Variants in ITPR2 observed in about 807,000 individuals in gnomAD.
ITPR2 encodes the protein inositol 1,4,5-trisphosphate-gated calcium channel ITPR2.
A neutral mutation model predicts 317.1 loss-of-function variants in ITPR2; 207 were observed. The observed-to-expected ratio is 0.65, with a 90% CI of 0.58 to 0.73. The LOEUF (loss-of-function observed/expected upper bound fraction) is 0.73. ITPR2 is among the 30% of genes least tolerant of loss of function. The pLI, the probability that ITPR2 is intolerant of heterozygous loss-of-function variation, is 0.00. For synonymous variants in ITPR2, 1,156 were observed against 1,149.1 expected (o/e 1.01, Z -0.12); for missense variants, 2,613 against 3,284.0 (o/e 0.80, Z 4.99).
At position 26,563,553 on chromosome 12, in the gene ITPR2, TA is replaced by T. The variant is rs75872857; in HGVS notation, c.4631-1602del. ...CCTGGTGAGAGAACTAGACTCCATC[TA>T]AAAAAAAAAAAGATAGAATGTGGGG... On this transcript the variant is annotated intron_variant, in intron 34 of 56. Transcript: ENST00000381340. Among the ~76,000 whole-genome samples, 1,072 of 141,968 alleles carry T rather than the reference TA, an allele frequency of 7.6e-3. 4 individuals are homozygous for T. The highest frequency in any genetic ancestry group is 0.024 in the South Asian group (109 of 4,490). The allele number at this position is 141,968 out of a possible 152,430, so 93.1% of individuals were successfully genotyped here.
intron 36 of ITPR2, among the ~76,000 whole-genome samples, chr12:26,552,470 T>C (rs1944550258): frequency 6.6e-6 from 1 of 152,124 alleles, no homozygotes. Context: ...GTGTGAGCCA[T>C]CACACCCAGC....
At chr12:26,642,806 C>T (rs1231383297) in intron 21 of ITPR2, among the ~76,000 whole-genome samples, 1 of 152,170 alleles carries the variant, frequency 6.6e-6, no homozygotes, top group African/African-American at 2.4e-5. Context: ...TGTTTCCAAT[C>T]AGGGCATTTT....
Position 26,556,289 on chromosome 12 carries a change from T to C in ITPR2, c.4908A>G (p.Glu1636=), listed in dbSNP as rs1488842987. ...CATCGCTTCCCTCAGGGAACAGCAGTTCTGGACTGTACAATACATCAACCA... is the reference window on the plus strand; with the variant it reads ...CATCGCTTCCCTCAGGGAACAGCAGCTCTGGACTGTACAATACATCAACCA... ...SVLVDVLYSP[E]LLFPEGSDAR... is the part of the protein sequence containing the mutation. The change falls in exon 36 of 57, where the codon GAA becomes GAG. Residue 1636 remains glutamate, a synonymous_variant. Coordinates refer to ENST00000381340, the MANE Select transcript of ITPR2 (RefSeq NM_002223.4). The C allele has an allele frequency of 6.2e-7, 1 of 1,613,874 alleles. No individual in the cohort carries two copies. The highest frequency in any genetic ancestry group is 2.2e-5 in the East Asian group (1 of 44,870).
rs575580011 is a variant in ITPR2, at chr12:26,811,885, C to T, written c.92+20805G>A. Among the ~76,000 whole-genome samples, 556 of 138,434 alleles carry T rather than the reference C, an allele frequency of 4.0e-3. 6 individuals are homozygous for T. Among genetic ancestry groups the T allele is most frequent in the African/African-American group, 0.014 (532 of 37,348 alleles). The allele number at this position is 138,434 out of a possible 152,430, so 90.8% of individuals were successfully genotyped here. ...AAAAAAAAAAAAAGAAATCTAGGGC[C>T]GGGCGTGGTGGCTCAAACCTGTAAT... On this transcript the variant is annotated intron_variant, in intron 1 of 56. Coordinates refer to ENST00000381340, the MANE Select transcript of ITPR2 (RefSeq NM_002223.4).
chr12:26,724,644 G>A lies in ITPR2; in HGVS notation c.366+12C>T, dbSNP rs1050093084. The stretch of plus-strand genomic sequence containing the variant: ...CATAAAATACTCACCTCGTTTAAGA[G>A]AAAATACTTACTTGTATAACATTAC... On this transcript the variant is annotated intron_variant, in intron 4 of 56. Coordinates refer to ENST00000381340, the MANE Select transcript of ITPR2 (RefSeq NM_002223.4). 12 of 1,500,296 alleles carry A rather than the reference G, an allele frequency of 8.0e-6. No homozygotes were observed. The highest frequency in any genetic ancestry group is 1.1e-5 in the Non-Finnish European group (12 of 1,082,040). 92.9% of individuals were successfully genotyped at this position (1,500,296 alleles called of 1,614,324 possible). A position where few individuals can be genotyped will look rare whatever the true frequency, so the allele number is the denominator to read the frequency against.
At chr12:26,767,534 T>C (rs540842166) in intron 2 of ITPR2, among the ~76,000 whole-genome samples, 120 of 152,340 alleles carry the variant, frequency 7.9e-4, no homozygotes, top group African/African-American at 2.8e-3. Flanking sequence ...AAAGAAAATA[T>C]CACACCTCTT....
chr12:26,570,966 G>A (rs574814725), intron 34 of ITPR2, among the ~76,000 whole-genome samples: 1 of 152,192 alleles, frequency 6.6e-6, no homozygotes, highest in South Asian at 2.1e-4. Flanking sequence ...GCTCATTGAG[G>A]GCAGAGGATG....
intron 55 of ITPR2, among the ~76,000 whole-genome samples, chr12:26,383,462 GT>G (rs892413890): frequency 3.3e-5 from 5 of 149,380 alleles, no homozygotes; most frequent in East Asian, 2.1e-4. Flanking sequence ...CTTATTCTAT[GT>G]TTTTTTGTTT....
At chr12:26,628,258 C>T in intron 22 of ITPR2, 96 bp from the exon 23 acceptor site, 1 of 892,560 alleles carries the variant, frequency 1.1e-6, no homozygotes, top group Non-Finnish European at 1.7e-6. Context: ...AAGTACCAAC[C>T]TTTCAAAGGA....
At chr12:26,716,288 T>C (rs778302674) in intron 5 of ITPR2, 46 bp from the exon 6 acceptor site, 45 of 1,249,412 alleles carry the variant, frequency 3.6e-5, no homozygotes, top group Non-Finnish European at 5.0e-5. Flanking sequence ...CATGGATCTT[T>C]GGTGCTATAT....
chr12:26,339,372 C>T lies in ITPR2; in HGVS notation c.*25G>A. The T allele has an allele frequency of 6.3e-7, 1 of 1,584,674 alleles. No individual in the cohort carries two copies. The highest frequency in any genetic ancestry group is 8.7e-7 in the Non-Finnish European group (1 of 1,153,744). ...GATCAGGCAGGACACTGATGAAAGG[C>T]TAGTCACGGCTTCCCCCCATGGTAT... On this transcript the variant is annotated 3_prime_UTR_variant, in exon 57 of 57. Coordinates refer to ENST00000381340, the MANE Select transcript of ITPR2 (RefSeq NM_002223.4).
At chr12:26,399,257 T>G (rs185661173) in intron 53 of ITPR2, among the ~76,000 whole-genome samples, 1 of 152,368 alleles carries the variant, frequency 6.6e-6, no homozygotes, top group East Asian at 1.9e-4. Flanking sequence ...GACTGACACA[T>G]GTCTTTCCCA....
intron 37 of ITPR2, among the ~76,000 whole-genome samples, chr12:26,544,605 GACACACACACAC>G (rs10648602): frequency 2.7e-5 from 4 of 146,376 alleles, no homozygotes; most frequent in Non-Finnish European, 6.1e-5. Flanking sequence ...GAGACACACA[GACACACACACAC>G]ACACACACAT....
chr12:26,441,423 C>T (rs1295823164), intron 46 of ITPR2, among the ~76,000 whole-genome samples: 1 of 152,138 alleles, frequency 6.6e-6, no homozygotes, highest in African/African-American at 2.4e-5. Context: ...TGACCAAGAC[C>T]AGTCCCTGCC....
At chr12:26,600,470 G>T (rs953349670) in intron 28 of ITPR2, among the ~76,000 whole-genome samples, 1 of 151,318 alleles carries the variant, frequency 6.6e-6, no homozygotes, top group African/African-American at 2.4e-5. Flanking sequence ...CACCTCCTCT[G>T]TCCTCCTTTC....
chr12:26,638,653 G>T (rs893451826), intron 21 of ITPR2, among the ~76,000 whole-genome samples: 10 of 152,298 alleles, frequency 6.6e-5, no homozygotes, highest in Non-Finnish European at 1.0e-4. Context: ...TTGCTGCTTT[G>T]TTCTTGCCTT....
At chr12:26,582,373 A>C (rs1321127993) in intron 32 of ITPR2, among the ~76,000 whole-genome samples, 2 of 152,196 alleles carry the variant, frequency 1.3e-5, no homozygotes, top group African/African-American at 4.8e-5. Context: ...TTTTATGTGC[A>C]ATACATATAG....
intron 37 of ITPR2, among the ~76,000 whole-genome samples, chr12:26,527,251 T>G (rs1943829905): frequency 6.6e-6 from 1 of 152,250 alleles, no homozygotes; most frequent in Non-Finnish European, 1.5e-5. Flanking sequence ...CATTCTATAC[T>G]GGAGTACAAA....
chr12:26,493,577 C>T (rs968636305), intron 39 of ITPR2, among the ~76,000 whole-genome samples: 1 of 152,100 alleles, frequency 6.6e-6, no homozygotes, highest in Non-Finnish European at 1.5e-5. Context: ...GTGTTCCCAA[C>T]ACAAAGAAAT....
Sources: gnomAD v4.1 joint callset for allele counts (sites outside exome capture counted in the v4.1 genomes callset) on GRCh38, gnomAD v4.1.1 for gene constraint, MANE v1.5 for transcripts, NCBI Gene and HGNC (gene_info 2026-07-23, HGNC 2026-07-21) for gene names.